SDK1: variants seen among roughly 807,000 people sequenced by gnomAD.
SDK1 encodes the protein sidekick cell adhesion molecule 1.
A neutral mutation model predicts 245.5 loss-of-function variants in SDK1; 157 were observed. That is an observed-to-expected ratio of 0.64 (90% confidence interval 0.56 to 0.73). The LOEUF (loss-of-function observed/expected upper bound fraction) is 0.73, where lower values mean the gene tolerates loss of function less well. Among genes scored for constraint, SDK1 ranks in the 30% least tolerant of loss-of-function variants. The probability of loss-of-function intolerance (pLI) is 0.00; values close to 1 mark genes in which losing one functional copy is unlikely to be tolerated. For missense variants in SDK1, 3,583 were observed against 3,002.3 expected (o/e 1.19, Z -4.52); for synonymous variants, 1,647 against 1,278.5 (o/e 1.29, Z -6.15).
chr7:3,633,350 A>C (rs1026557885), intron 2 of SDK1, among the ~76,000 whole-genome samples: 14 of 152,186 alleles, frequency 9.2e-5, no homozygotes, highest in African/African-American at 3.4e-4. Flanking sequence ...GGGAAGTATA[A>C]ATGTTCTCCT....
intron 14 of SDK1, 75 bp downstream of exon 14, chr7:3,987,397 T>A: frequency 6.7e-7 from 1 of 1,492,628 alleles, no homozygotes; most frequent in Non-Finnish European, 9.3e-7. Context: ...CCTTAACCTT[T>A]ACTTCTGGGT....
intron 5 of SDK1, among the ~76,000 whole-genome samples, chr7:3,908,890 G>A (rs1003803269): frequency 5.3e-5 from 8 of 151,704 alleles, no homozygotes; most frequent in African/African-American, 1.9e-4. Context: ...GAAAGGTATG[G>A]GTTGGACTCT....
chr7:3,704,479 A>T (rs1583324104), intron 4 of SDK1, among the ~76,000 whole-genome samples: 1 of 151,592 alleles, frequency 6.6e-6, no homozygotes, highest in African/African-American at 2.4e-5. Context: ...TGTCTCTTGT[A>T]TATCTTCTTT....
intron 38 of SDK1, among the ~76,000 whole-genome samples, chr7:4,218,932 A>C (rs1228080339): frequency 6.6e-6 from 1 of 152,120 alleles, no homozygotes. Context: ...TGTTTAACCA[A>C]AGAACTTGAT....
chr7:4,218,711 G>A (rs1784977368), intron 38 of SDK1, among the ~76,000 whole-genome samples: 1 of 152,142 alleles, frequency 6.6e-6, no homozygotes, highest in African/African-American at 2.4e-5. Flanking sequence ...GGTGGACTCA[G>A]GACGGTGGGT....
intron 1 of SDK1, among the ~76,000 whole-genome samples, chr7:3,359,200 G>A (rs1035749042): frequency 1.3e-5 from 2 of 152,130 alleles, no homozygotes; most frequent in Admixed American, 6.5e-5. Flanking sequence ...ATTGCTAGTG[G>A]TGTGTGGGCT....
chr7:3,347,675 T>G (rs1317212282), intron 1 of SDK1, among the ~76,000 whole-genome samples: 2 of 152,190 alleles, frequency 1.3e-5, no homozygotes, highest in African/African-American at 2.4e-5. Context: ...CTAAGTGGCT[T>G]TACAAGTTTT....
Position 4,008,995 on chromosome 7 carries a change from C to T in SDK1, c.2132-1971C>T, listed in dbSNP as rs113361498. On this transcript the variant is annotated intron_variant, in intron 14 of 44. Coordinates refer to ENST00000404826, the MANE Select transcript of SDK1 (RefSeq NM_152744.4). Reference sequence around the variant, plus strand: ...CATACTGTTGTCTGTAGCGGCTATACCATTTTATATTCAGAACAACCGCGA... The same window carrying T: ...CATACTGTTGTCTGTAGCGGCTATATCATTTTATATTCAGAACAACCGCGA... 6.6e-5 allele frequency among the ~76,000 whole-genome samples: 10 copies of T among 152,344 alleles called. 1 individual carries two copies. The highest frequency in any genetic ancestry group is 4.1e-4 in the South Asian group (2 of 4,832).
chr7:3,798,850 C>T (rs535429580), intron 4 of SDK1, among the ~76,000 whole-genome samples: 32 of 152,158 alleles, frequency 2.1e-4, no homozygotes, highest in East Asian at 9.6e-4. Flanking sequence ...TTAAATTTTG[C>T]GTAGATACTT....
intron 44 of SDK1, among the ~76,000 whole-genome samples, chr7:4,247,540 G>C (rs377484293): frequency 3.9e-5 from 6 of 152,336 alleles, no homozygotes; most frequent in African/African-American, 9.6e-5. Flanking sequence ...GGCAGCCTTC[G>C]AGCAGGACAG....
intron 5 of SDK1, among the ~76,000 whole-genome samples, chr7:3,824,642 A>T (rs1323219851): frequency 6.6e-6 from 1 of 152,224 alleles, no homozygotes; most frequent in African/African-American, 2.4e-5. Flanking sequence ...CACCCAGCTA[A>T]CAGGAGGAAA....
At chr7:4,206,351 A>G (rs1254391608) in intron 36 of SDK1, among the ~76,000 whole-genome samples, 1 of 152,182 alleles carries the variant, frequency 6.6e-6, no homozygotes, top group African/African-American at 2.4e-5. Flanking sequence ...TTGGCTGACT[A>G]TAAAAGAACA....
chr7:4,178,677 C>A, intron 35 of SDK1, 91 bp downstream of exon 35: 1 of 867,116 alleles, frequency 1.2e-6, no homozygotes, highest in Non-Finnish European at 1.9e-6. Flanking sequence ...CTCAGGTGTC[C>A]AGCAGCGTTC....
chr7:3,481,653 C>G lies in SDK1; in HGVS notation c.299-137427C>G, dbSNP rs377499724. Among the ~76,000 whole-genome samples, 55 of 152,300 alleles carry G rather than the reference C, an allele frequency of 3.6e-4. No homozygotes were observed. In the Middle Eastern group the frequency reaches 0.01, roughly 28 times the overall value. On this transcript the variant is annotated intron_variant, in intron 1 of 44. Transcript: ENST00000404826. ...GGGTTACCTCAGGGCTCACTGTGTC[C>G]CTTGGGAAAGGTCACGGCTCGTGTC...
intron 1 of SDK1, among the ~76,000 whole-genome samples, chr7:3,467,029 C>CACACACACACACAG (rs1288513856): frequency 2.2e-5 from 3 of 137,556 alleles, no homozygotes; most frequent in Admixed American, 7.3e-5. Flanking sequence ...CACACACACA[C>CACACACACACACAG]AGAGATGTAA....
chr7:3,679,378 A>T (rs1035080285), intron 4 of SDK1, among the ~76,000 whole-genome samples: 2 of 152,136 alleles, frequency 1.3e-5, no homozygotes, highest in East Asian at 3.9e-4. Context: ...CATCCTGGCT[A>T]ACATGGTGAA....
intron 1 of SDK1, among the ~76,000 whole-genome samples, chr7:3,455,255 C>T (rs570007276): frequency 4.6e-5 from 7 of 151,804 alleles, no homozygotes; most frequent in African/African-American, 1.7e-4. Flanking sequence ...CATCATCTTA[C>T]GAGGGTTTTC....
At chr7:3,550,515 C>G (rs1294050097) in intron 1 of SDK1, among the ~76,000 whole-genome samples, 1 of 152,166 alleles carries the variant, frequency 6.6e-6, no homozygotes, top group Non-Finnish European at 1.5e-5. Context: ...CATTGCTGCT[C>G]CTGTGCTGAC....
At chr7:3,881,901 G>T (rs151286538) in intron 5 of SDK1, among the ~76,000 whole-genome samples, 1 of 152,218 alleles carries the variant, frequency 6.6e-6, no homozygotes, top group Admixed American at 6.5e-5. Flanking sequence ...CTCTGTTCCC[G>T]GGAGGCTCCT....
Sources: allele counts gnomAD v4.1 joint callset (sites outside exome capture counted in the v4.1 genomes callset), GRCh38; gene constraint gnomAD v4.1.1; transcripts MANE v1.5; gene names NCBI Gene and HGNC (gene_info 2026-07-23, HGNC 2026-07-21).